The following TAOK1 variants were observed in gnomAD, a reference collection of about 807,000 sequenced individuals.
TAOK1 encodes serine/threonine-protein kinase TAO1.
A neutral mutation model predicts 138.3 loss-of-function variants in TAOK1; 21 were observed. The ratio of observed to expected loss-of-function variants is 0.15; its 90% CI spans 0.11 to 0.22. TAOK1 has a LOEUF of 0.22. Among genes scored for constraint, TAOK1 ranks in the 10% least tolerant of loss-of-function variants. The pLI, the probability that TAOK1 is intolerant of heterozygous loss-of-function variation, is 1.00. For missense variants in TAOK1, 651 were observed against 1,227.7 expected (o/e 0.53, Z 7.02); for synonymous variants, 361 against 398.4 (o/e 0.91, Z 1.12).
At chr17:29,538,603 G>A (rs1034132704) in intron 19 of TAOK1, among the ~76,000 whole-genome samples, 3 of 152,154 alleles carry the variant, frequency 2.0e-5, no homozygotes, top group Non-Finnish European at 4.4e-5. Context: ...ATAAGAAGGA[G>A]ACATCTGAAA....
Position 29,542,594 on chromosome 17 carries a change from C to T in TAOK1, c.2578C>T (p.Arg860Cys), listed in dbSNP as rs1567750713. 2.5e-6 allele frequency: 4 copies of T among 1,611,360 alleles called. No homozygotes were observed. The highest frequency in any genetic ancestry group is 1.1e-5 in the South Asian group (1 of 90,898). ...AGAGATGTTGGCTTTGCAGAATGAG[C>T]GCACAGAACGAATACGAAGCCTGTT... Reference protein sequence around the residue: ...EEEMLALQNERTERIRSLLER... With the variant: ...EEEMLALQNECTERIRSLLER... Residue 860 changes from arginine (R) to cysteine (C), a missense_variant, in exon 20 of 20, where the codon CGC (arginine) becomes TGC (cysteine). By Grantham distance (180) the Arg-to-Cys change is radical. Coordinates refer to ENST00000261716, the MANE Select transcript of TAOK1 (RefSeq NM_020791.4).
At chr17:29,467,833 A>T (rs1018505779) in intron 3 of TAOK1, among the ~76,000 whole-genome samples, 6 of 147,200 alleles carry the variant, frequency 4.1e-5, no homozygotes, top group East Asian at 2.0e-4. Context: ...ATTTATTTTT[A>T]TTTTTTTTTA....
At chr17:29,480,871 C>CAGAAAAAAAAA in intron 7 of TAOK1, among the ~76,000 whole-genome samples, 1 of 96,838 alleles carries the variant, frequency 1.0e-5, no homozygotes, top group Admixed American at 1.2e-4. Flanking sequence ...CCCTGTCTCT[C>CAGAAAAAAAAA]AAAAAAAAAA....
At position 29,522,320 on chromosome 17, in the gene TAOK1, C is replaced by T. The variant is rs868283491; in HGVS notation, c.1949C>T (p.Ala650Val). 6.2e-7 allele frequency: 1 copy of T among 1,614,158 alleles called. No homozygotes were observed. The highest frequency in any genetic ancestry group is 8.5e-7 in the Non-Finnish European group (1 of 1,180,024). Residue 650 changes from alanine to valine, a missense_variant, in exon 17 of 20, where the codon GCC becomes GTC. Physicochemically the swap from Ala to Val is moderately conservative, Grantham distance 64. This residue lies in a region of TAOK1 where 258 missense variants were observed against 548.9 expected (regional missense o/e 0.47). Coordinates refer to ENST00000261716, the MANE Select transcript of TAOK1 (RefSeq NM_020791.4). Reference protein sequence around the residue: ...KRQTQKDLEHAMLLRQHESMQ... With the variant: ...KRQTQKDLEHVMLLRQHESMQ... Reference sequence around the variant, plus strand: ...CAGACTCAGAAGGACTTAGAGCATGCCATGCTACTCCGACAGCATGAATCT... The same window carrying T: ...CAGACTCAGAAGGACTTAGAGCATGTCATGCTACTCCGACAGCATGAATCT...
At position 29,454,283 on chromosome 17, in the gene TAOK1, A is replaced by G. The variant is rs550496422; in HGVS notation, c.132+2603A>G. Among the ~76,000 whole-genome samples the G allele has an allele frequency of 5.9e-5, 9 of 152,252 alleles. No individual in the cohort carries two copies. The South Asian group carries it at 8.3e-4, about 14-fold the overall frequency. On this transcript the variant is annotated intron_variant, in intron 2 of 19. Transcript: ENST00000261716. ...TTCTATTCCATTTATCTGTATGTCT[A>G]TCTTTATGTCAGTACCACACCGTTT...
At chr17:29,515,642 T>C (rs1480236404) in intron 15 of TAOK1, among the ~76,000 whole-genome samples, 2 of 152,034 alleles carry the variant, frequency 1.3e-5, no homozygotes, top group Non-Finnish European at 2.9e-5. Flanking sequence ...GAGACCATAC[T>C]GGCTAACATG....
At chr17:29,501,592 C>T (rs2031532625) in intron 12 of TAOK1, among the ~76,000 whole-genome samples, 1 of 152,154 alleles carries the variant, frequency 6.6e-6, no homozygotes, top group African/African-American at 2.4e-5. Flanking sequence ...AAAAAGATAG[C>T]TCCATTGCTT....
chr17:29,490,319 T>C (rs1458094128), intron 9 of TAOK1, among the ~76,000 whole-genome samples: 2 of 152,066 alleles, frequency 1.3e-5, no homozygotes, highest in Non-Finnish European at 2.9e-5. Flanking sequence ...TGTAAAGAGG[T>C]TTATGGACAA....
intron 1 of TAOK1, among the ~76,000 whole-genome samples, chr17:29,395,333 C>G (rs534896331): frequency 1.3e-5 from 2 of 152,004 alleles, no homozygotes; most frequent in Non-Finnish European, 2.9e-5. Context: ...GAGTTCGAAA[C>G]CAGCCTGGCC....
At position 29,543,228 on chromosome 17, in the gene TAOK1, TG is replaced by T. The variant is rs1334150612; in HGVS notation, c.*210del. 1 of 481,950 alleles carries T rather than the reference TG, an allele frequency of 2.1e-6. No individual in the cohort carries two copies. Among genetic ancestry groups the T allele is most frequent in the Non-Finnish European group, 3.6e-6 (1 of 278,056 alleles). The allele number at this position is 481,950 out of a possible 1,614,324, so 29.9% of individuals were successfully genotyped here. On this transcript the variant is annotated 3_prime_UTR_variant, in exon 20 of 20. Coordinates refer to ENST00000261716, the MANE Select transcript of TAOK1 (RefSeq NM_020791.4). The stretch of plus-strand genomic sequence containing the variant: ...CTTGGCTGCCGGGTTTGTTTGTTTT[TG>T]GGGAAATTTTGAAAAGTGGAGTTGA...
intron 2 of TAOK1, among the ~76,000 whole-genome samples, chr17:29,460,713 T>C (rs2030511195): frequency 6.6e-6 from 1 of 152,192 alleles, no homozygotes; most frequent in African/African-American, 2.4e-5. Context: ...AGTTTACTCT[T>C]GTATTAATGT....
intron 13 of TAOK1, among the ~76,000 whole-genome samples, chr17:29,506,190 A>G (rs2031626902): frequency 6.6e-6 from 1 of 152,232 alleles, no homozygotes; most frequent in African/African-American, 2.4e-5. Context: ...ATTATTCACA[A>G]TAGCTAAGTC....
chr17:29,496,020 C>T (rs767169554), intron 11 of TAOK1, among the ~76,000 whole-genome samples: 9 of 152,132 alleles, frequency 5.9e-5, no homozygotes, highest in Admixed American at 1.3e-4. Flanking sequence ...AGAAGTCCTT[C>T]GTTAAAGAAA....
chr17:29,487,154 G>T (rs1224327864), intron 8 of TAOK1, among the ~76,000 whole-genome samples: 1 of 147,306 alleles, frequency 6.8e-6, no homozygotes, highest in Non-Finnish European at 1.5e-5. Context: ...GCTGAGGTAG[G>T]ATAATTGCTT....
chr17:29,442,097 C>T (rs2029956729), intron 1 of TAOK1, among the ~76,000 whole-genome samples: 1 of 151,498 alleles, frequency 6.6e-6, no homozygotes, highest in Non-Finnish European at 1.5e-5. Flanking sequence ...GGTTGGAATG[C>T]AGTGGTACAA....
chr17:29,417,238 C>T (rs1288333325), intron 1 of TAOK1, among the ~76,000 whole-genome samples: 2 of 152,198 alleles, frequency 1.3e-5, no homozygotes, highest in African/African-American at 2.4e-5. Context: ...TGGTCTTAAA[C>T]TGCTGATCTC....
chr17:29,538,008 A>G (rs1013958504), intron 19 of TAOK1, among the ~76,000 whole-genome samples: 3 of 148,492 alleles, frequency 2.0e-5, no homozygotes, highest in Non-Finnish European at 4.5e-5. Flanking sequence ...GCTACTTGGG[A>G]GGCTGAGGCA....
intron 1 of TAOK1, among the ~76,000 whole-genome samples, chr17:29,397,460 G>A (rs890955496): frequency 2.6e-5 from 4 of 151,384 alleles, no homozygotes; most frequent in African/African-American, 4.9e-5. Flanking sequence ...AAAATTAGCC[G>A]GGCATGGTGG....
At chr17:29,510,232 C>T (rs1282209967) in intron 14 of TAOK1, among the ~76,000 whole-genome samples, 1 of 151,992 alleles carries the variant, frequency 6.6e-6, no homozygotes, top group Non-Finnish European at 1.5e-5. Flanking sequence ...CAAAAATTAG[C>T]CAGGCGTGGT....
Sources: gnomAD v4.1 joint callset for allele counts (sites outside exome capture counted in the v4.1 genomes callset) on GRCh38, gnomAD v4.1.1 for gene constraint, gnomAD v4.1.1 regional missense constraint, MANE v1.5 for transcripts, NCBI Gene and HGNC (gene_info 2026-07-23, HGNC 2026-07-21) for gene names.